The following CTDP1 variants were observed in gnomAD, a reference collection of about 807,000 sequenced individuals.
The protein encoded by CTDP1 is CTD phosphatase 1, also known as RNA polymerase II subunit A C-terminal domain phosphatase.
Under a neutral mutation model 91.8 loss-of-function variants are expected in CTDP1, and 47 were observed. The ratio of observed to expected loss-of-function variants is 0.51; its 90% CI spans 0.41 to 0.65. The LOEUF is 0.65. Among genes scored for constraint, CTDP1 ranks in the 30% least tolerant of loss-of-function variants. The pLI is 0.00. For synonymous variants in CTDP1, 656 were observed against 598.5 expected (o/e 1.10, Z -1.40); for missense variants, 1,272 against 1,373.7 (o/e 0.93, Z 1.17).
At chr18:79,699,024 C>T (rs1056575283) in intron 4 of CTDP1, among the ~76,000 whole-genome samples, 1 of 152,120 alleles carries the variant, frequency 6.6e-6, no homozygotes, top group Admixed American at 6.5e-5. Context: ...CACAAACTCT[C>T]GCGTTTTATG....
chr18:79,702,442 C>T (rs1475665846), intron 4 of CTDP1, among the ~76,000 whole-genome samples: 1 of 152,174 alleles, frequency 6.6e-6, no homozygotes, highest in Non-Finnish European at 1.5e-5. Context: ...GACACGATCT[C>T]TCTATCCTGC....
At chr18:79,703,509 G>T (rs1226755252) in intron 4 of CTDP1, 2 of 152,200 alleles carry the variant, frequency 1.3e-5, no homozygotes, top group Non-Finnish European at 2.9e-5. Flanking sequence ...CTTTTATGTT[G>T]TATATGTAGA....
upstream of CTDP1, chr18:79,679,511 G>A (rs775317920): frequency 4.4e-6 from 2 of 457,662 alleles, no homozygotes; most frequent in Non-Finnish European, 8.8e-6. Context: ...TTGAACGCTG[G>A]GACTCGTAGT....
At position 79,712,321 on chromosome 18, in the gene CTDP1, G is replaced by A. The variant is rs187066761; in HGVS notation, c.864-651G>A. Among the ~76,000 whole-genome samples, 8 of 152,238 alleles carry A rather than the reference G, an allele frequency of 5.3e-5. No homozygotes were observed. In the East Asian group the frequency reaches 7.7e-4, roughly 15 times the overall value. On this transcript the variant is annotated intron_variant, in intron 6 of 12. Coordinates refer to ENST00000613122, the MANE Select transcript of CTDP1 (RefSeq NM_004715.5). ...GTTTTTGAGACGGTCTGGCTCGGTCGCCCAGGCTTAAGTGCAGTAGTGTGG... is the reference window on the plus strand; with the variant it reads ...GTTTTTGAGACGGTCTGGCTCGGTCACCCAGGCTTAAGTGCAGTAGTGTGG...
At chr18:79,689,575 C>T (rs773798304) in intron 1 of CTDP1, among the ~76,000 whole-genome samples, 2 of 152,170 alleles carry the variant, frequency 1.3e-5, no homozygotes, top group African/African-American at 2.4e-5. Flanking sequence ...CACCTGAGGT[C>T]AGGAATTCGA....
chr18:79,742,822 G>T (rs111543650), intron 12 of CTDP1, among the ~76,000 whole-genome samples: 2,125 of 152,278 alleles, frequency 0.014, 56 homozygotes, highest in African/African-American at 0.047. Context: ...GCTGGGCATG[G>T]TGGTGCACGC....
At chr18:79,691,257 T>C (rs960379243) in intron 1 of CTDP1, among the ~76,000 whole-genome samples, 2 of 152,216 alleles carry the variant, frequency 1.3e-5, no homozygotes, top group Non-Finnish European at 2.9e-5. Flanking sequence ...TAGTCAACTT[T>C]CTTCAGACCT....
chr18:79,741,366 CT>C (rs2086774792), intron 12 of CTDP1, among the ~76,000 whole-genome samples: 1 of 152,218 alleles, frequency 6.6e-6, no homozygotes, highest in South Asian at 2.1e-4. Flanking sequence ...ACCATAGCCT[CT>C]TTCTTCAGAT....
At chr18:79,732,983 G>A (rs536134190) in intron 11 of CTDP1, among the ~76,000 whole-genome samples, 2 of 152,238 alleles carry the variant, frequency 1.3e-5, no homozygotes, top group African/African-American at 2.4e-5. Context: ...TCGCTAACGT[G>A]GATTTTTCTT....
intron 10 of CTDP1, among the ~76,000 whole-genome samples, chr18:79,721,421 A>G (rs1478310182): frequency 6.6e-6 from 1 of 152,084 alleles, no homozygotes; most frequent in Admixed American, 6.5e-5. Context: ...CCGTCTAGGA[A>G]GTCAGGGTCT....
rs575074934 is a variant in CTDP1, at chr18:79,684,519, G to GC, written c.314+4260dup. ...GGCAGGGTGGGTCCGTGCCCTCGTT[G>GC]CCTGCATTGTTGTCACCAGGCAAGG... On this transcript the variant is annotated intron_variant, in intron 1 of 12. Transcript: ENST00000613122. Among the ~76,000 whole-genome samples the GC allele has an allele frequency of 9.4e-4, 143 of 152,230 alleles. 1 individual carries two copies. The highest frequency in any genetic ancestry group is 3.3e-3 in the African/African-American group (139 of 41,534).
intron 11 of CTDP1, among the ~76,000 whole-genome samples, chr18:79,733,621 A>C (rs183438786): frequency 6.6e-6 from 1 of 150,418 alleles, no homozygotes; most frequent in East Asian, 1.9e-4. Context: ...CTGGGCCCCA[A>C]AGCTGGCGTC....
At chr18:79,694,164 T>TACA (rs2085686497) in intron 1 of CTDP1, among the ~76,000 whole-genome samples, 4 of 150,218 alleles carry the variant, frequency 2.7e-5, no homozygotes, top group African/African-American at 7.5e-5. Flanking sequence ...GTGTGGGGGC[T>TACA]GTGAGCACCT....
At chr18:79,693,389 G>A (rs1405425073) in intron 1 of CTDP1, among the ~76,000 whole-genome samples, 2 of 152,056 alleles carry the variant, frequency 1.3e-5, no homozygotes, top group Non-Finnish European at 2.9e-5. Flanking sequence ...TGTCACCTTA[G>A]AAAGTTTAAC....
chr18:79,692,323 C>G (rs1026230196), intron 1 of CTDP1, among the ~76,000 whole-genome samples: 1 of 152,098 alleles, frequency 6.6e-6, no homozygotes, highest in Non-Finnish European at 1.5e-5. Context: ...GGTCGTCTGT[C>G]GGTCATACCT....
chr18:79,717,579 G>A lies in CTDP1; in HGVS notation c.2113G>A (p.Val705Met), dbSNP rs372703325. The change falls in exon 9 of 13, where the codon GTG becomes ATG. Residue 705 changes from valine (V) to methionine (M), a missense_variant. Physicochemically the swap from Val to Met is conservative, Grantham distance 21. Coordinates refer to ENST00000613122, the MANE Select transcript of CTDP1 (RefSeq NM_004715.5). ...LQAQECGHLHVVNPDWLWSCL... is the reference protein window; with the variant it reads ...LQAQECGHLHMVNPDWLWSCL... ...GGCACAGGAGTGCGGACACCTGCAC[G>A]TGGTCAACCCTGACTGGCTGTGGAG... 26 of 1,613,780 alleles carry A rather than the reference G, an allele frequency of 1.6e-5. No homozygotes were observed. Among genetic ancestry groups the A allele is most frequent in the East Asian group, 2.2e-5 (1 of 44,900 alleles).
intron 12 of CTDP1, among the ~76,000 whole-genome samples, chr18:79,738,877 G>T (rs1268724994): frequency 6.6e-6 from 1 of 152,244 alleles, no homozygotes. Flanking sequence ...GTTGTTTTAG[G>T]AGAGATTTTG....
intron 12 of CTDP1, among the ~76,000 whole-genome samples, chr18:79,750,375 T>C (rs1206240459): frequency 2.6e-5 from 4 of 152,176 alleles, no homozygotes. Context: ...CACTCTCATG[T>C]AGCAATTAAA....
intron 11 of CTDP1, among the ~76,000 whole-genome samples, chr18:79,735,049 T>C (rs2086637782): frequency 6.6e-6 from 1 of 152,024 alleles, no homozygotes; most frequent in Non-Finnish European, 1.5e-5. Flanking sequence ...AATTGCAGAG[T>C]GGACGGGGTG....
Sources: allele counts gnomAD v4.1 joint callset (sites outside exome capture counted in the v4.1 genomes callset), GRCh38; gene constraint gnomAD v4.1.1; transcripts MANE v1.5; gene names NCBI Gene and HGNC (gene_info 2026-07-23, HGNC 2026-07-21).